Variants in PDE4DIP observed in about 807,000 individuals in gnomAD.
PDE4DIP encodes myomegalin.
A neutral mutation model predicts 221.4 loss-of-function variants in PDE4DIP; 59 were observed. The ratio of observed to expected loss-of-function variants is 0.27; its 90% CI spans 0.22 to 0.33. PDE4DIP has a LOEUF of 0.33. Among genes scored for constraint, PDE4DIP ranks in the 10% least tolerant of loss-of-function variants. PDE4DIP has a pLI of 1.00. For missense variants in PDE4DIP, 1,036 were observed against 2,154.2 expected (o/e 0.48, Z 10.28); for synonymous variants, 404 against 815.9 (o/e 0.50, Z 8.60).
At chr1:148,949,697 C>T (rs1272309122) in intron 5 of PDE4DIP, among the ~76,000 whole-genome samples, 1 of 152,236 alleles carries the variant, frequency 6.6e-6, no homozygotes, top group East Asian at 1.9e-4. Context: ...TTTATTTTCA[C>T]GTTTTATTAT....
At chr1:148,844,454 C>T (rs1553380420) in intron 1 of PDE4DIP, 2 of 149,748 alleles carry the variant, frequency 1.3e-5, no homozygotes, top group East Asian at 2.2e-4. Context: ...GGAGAGTGCG[C>T]GCACCGCGGC....
In PDE4DIP at chr1:148,984,239, T is replaced by C. The variant is rs1293828435; in HGVS notation, c.2815+2842T>C. On this transcript the variant is annotated intron_variant, in intron 21 of 43. Transcript: ENST00000369354. ...CTTTTCCTTTGATAGTGTGTACTCT[T>C]ATCTGTCACCCAACCTTCTCCACAC... The C allele has an allele frequency of 2.6e-5, 4 of 152,106 alleles. No homozygotes were observed. The East Asian group carries it at 7.7e-4, about 29-fold the overall frequency. 9.4% of individuals were successfully genotyped at this position (152,106 alleles called of 1,614,324 possible). A position where few individuals can be genotyped will look rare whatever the true frequency, so the allele number is the denominator to read the frequency against.
chr1:149,001,708 G>A, exon 24 of PDE4DIP: 2 of 1,547,316 alleles, frequency 1.3e-6, no homozygotes, highest in Non-Finnish European at 1.8e-6. Context: ...TGATGGTTGA[G>A]ACTGTGGTAA....
chr1:148,866,520 C>T (rs1553407822), intron 2 of PDE4DIP: 2 of 15,918 alleles, frequency 1.3e-4, no homozygotes, highest in Non-Finnish European at 2.2e-4. Flanking sequence ...GTTGGCAGAA[C>T]GAAGGAAAGA....
At chr1:148,963,073 T>G (rs2057322649) in intron 9 of PDE4DIP, among the ~76,000 whole-genome samples, 2 of 152,100 alleles carry the variant, frequency 1.3e-5, no homozygotes. Flanking sequence ...TGTTTTTGTA[T>G]TTTTGGTAGA....
intron 1 of PDE4DIP, among the ~76,000 whole-genome samples, chr1:148,924,112 T>C (rs587672033): frequency 2.0e-5 from 3 of 152,296 alleles, no homozygotes; most frequent in Admixed American, 6.5e-5. Flanking sequence ...GGTGTAGAAA[T>C]ATGAAGCATT....
exon 38 of PDE4DIP, chr1:149,024,581 G>A: frequency 1.2e-6 from 1 of 840,590 alleles, no homozygotes; most frequent in Non-Finnish European, 1.9e-6. Context: ...AGCTGCAACA[G>A]CAGCTGGAGA....
intron 2 of PDE4DIP, chr1:148,930,925 A>C (rs1490746800): frequency 1.5e-5 from 1 of 67,292 alleles, no homozygotes; most frequent in Non-Finnish European, 2.8e-5. Context: ...TGCTGGAAAA[A>C]AAAAAAGACA....
intron 23 of PDE4DIP, among the ~76,000 whole-genome samples, chr1:149,001,098 A>G (rs1250034807): frequency 6.6e-6 from 1 of 152,292 alleles, no homozygotes; most frequent in African/African-American, 2.4e-5. Context: ...GCAAACAATT[A>G]TCTAAGTACA....
intron 21 of PDE4DIP, among the ~76,000 whole-genome samples, chr1:148,989,738 T>C (rs1369558584): frequency 1.1e-4 from 17 of 152,216 alleles, no homozygotes; most frequent in Non-Finnish European, 1.6e-4. Flanking sequence ...AGTGAGACAA[T>C]TCATTTCCTT....
intron 36 of PDE4DIP, 195 bp downstream of exon 39, chr1:149,020,531 C>T (rs587638585): frequency 9.4e-6 from 2 of 213,458 alleles, no homozygotes; most frequent in East Asian, 2.6e-4. Flanking sequence ...AAGGACTTCT[C>T]TGGGAATGCC....
At chr1:148,822,397 A>G (rs1375651490) in intron 1 of PDE4DIP, among the ~76,000 whole-genome samples, 8 of 125,566 alleles carry the variant, frequency 6.4e-5, no homozygotes, top group Non-Finnish European at 1.2e-4. Flanking sequence ...CCTCCTGTCG[A>G]TCAGCAGACC....
rs781923817 is a variant in PDE4DIP, at chr1:148,962,180, CCTCT to C, written c.889-12_889-9del. The C allele has an allele frequency of 2.9e-5, 21 of 734,174 alleles. No individual in the cohort carries two copies. The Admixed American group carries it at 4.2e-4, about 15-fold the overall frequency. The allele number at this position is 734,174 out of a possible 1,614,324, so 45.5% of individuals were successfully genotyped here. On this transcript the variant is annotated splice_polypyrimidine_tract_variant and intron_variant, in intron 7 of 43. Transcript: ENST00000369354. ...TAGTTTACTAACATATTTGATATTCCCTCTCTCATTTTCAGACTGAGGAGTTGTA... is the reference window on the plus strand; with the variant it reads ...TAGTTTACTAACATATTTGATATTCCCTCATTTTCAGACTGAGGAGTTGTA...
In PDE4DIP at chr1:148,952,168, A is replaced by C. The variant is rs2053538294; in HGVS notation, c.637-8486A>C. ...TGCGACTTTCAGGTGAGGTCTTAGC[A>C]GATGAAAGCGGCTGGCTGTGGCCCG... On this transcript the variant is annotated intron_variant, in intron 5 of 43. Transcript: ENST00000369354. 6.8e-6 allele frequency: 7 copies of C among 1,035,602 alleles called. No homozygotes were observed. In the South Asian group the frequency reaches 3.2e-4, roughly 48 times the overall value. The allele number at this position is 1,035,602 out of a possible 1,614,324, so 64.2% of individuals were successfully genotyped here.
At chr1:148,888,672 T>A (rs1443232672), upstream of PDE4DIP, among the ~76,000 whole-genome samples, 3 of 21,640 alleles carry the variant, frequency 1.4e-4, no homozygotes, top group Admixed American at 5.0e-4. Flanking sequence ...TTCCTGCTAA[T>A]GTTGCAGCTG....
intron 5 of PDE4DIP, among the ~76,000 whole-genome samples, chr1:148,954,433 C>T (rs1312541770): frequency 6.6e-6 from 1 of 151,858 alleles, no homozygotes; most frequent in Non-Finnish European, 1.5e-5. Context: ...ATTAATCCAC[C>T]AGTAAAGTAT....
chr1:148,985,211 A>G (rs1383152776), intron 21 of PDE4DIP: 8 of 152,070 alleles, frequency 5.3e-5, no homozygotes, highest in Non-Finnish European at 1.0e-4. Flanking sequence ...TCTCTTTGGT[A>G]GTGTGGAACC....
chr1:149,008,658 C>A (rs2067663673), intron 29 of PDE4DIP, among the ~76,000 whole-genome samples, 163 bp downstream of exon 32: 1 of 148,896 alleles, frequency 6.7e-6, no homozygotes, highest in Non-Finnish European at 1.5e-5. Flanking sequence ...ATTCTTTCTT[C>A]CCTTTTGGTT....
At chr1:148,961,421 G>A (rs1553509818) in intron 6 of PDE4DIP, among the ~76,000 whole-genome samples, 1 of 151,964 alleles carries the variant, frequency 6.6e-6, no homozygotes, top group Non-Finnish European at 1.5e-5. Flanking sequence ...TTTAATGTCT[G>A]GCTTAGAAGA....
Sources: gnomAD v4.1 joint callset for allele counts (sites outside exome capture counted in the v4.1 genomes callset) on GRCh38, gnomAD v4.1.1 for gene constraint, MANE v1.5 for transcripts, NCBI Gene and HGNC (gene_info 2026-07-23, HGNC 2026-07-21) for gene names.